The following TENM2 variants were observed in gnomAD, a reference collection of about 807,000 sequenced individuals.
The protein encoded by TENM2 is teneurin transmembrane protein 2.
In TENM2, 52 loss-of-function variants were observed where a neutral mutation model predicts 245.2. The observed-to-expected ratio is 0.21, with a 90% confidence interval of 0.17 to 0.27. The LOEUF is 0.27. TENM2 is among the 10% of genes least tolerant of loss of function. The pLI is 1.00. For synonymous variants in TENM2, 1,363 were observed against 1,438.9 expected (o/e 0.95, Z 1.19); for missense variants, 3,046 against 3,666.8 (o/e 0.83, Z 4.37).
At chr5:167,088,695 C>T in the TENM2 span, among the ~76,000 whole-genome samples, 2 of 151,948 alleles carry the variant, frequency 1.3e-5, no homozygotes, top group Non-Finnish European at 2.9e-5. Context: ...TTAATACTCA[C>T]AGAAAACTGA....
At chr5:167,490,023 A>G (rs1377252401) in intron 2 of TENM2, among the ~76,000 whole-genome samples, 2 of 152,204 alleles carry the variant, frequency 1.3e-5, no homozygotes, top group Non-Finnish European at 2.9e-5. Flanking sequence ...ATATTTGTAC[A>G]ACCTTCAGAT....
intron 2 of TENM2, among the ~76,000 whole-genome samples, chr5:167,710,020 C>T (rs1031853251): frequency 6.6e-6 from 1 of 152,044 alleles, no homozygotes; most frequent in Non-Finnish European, 1.5e-5. Context: ...ATAAATCAGG[C>T]ACCACCCCCA....
intron 2 of TENM2, among the ~76,000 whole-genome samples, chr5:167,694,050 A>G (rs1419296748): frequency 6.6e-6 from 1 of 152,358 alleles, no homozygotes; most frequent in Non-Finnish European, 1.5e-5. Flanking sequence ...GAAAGGCACC[A>G]GAAATCTCAA....
the TENM2 span, among the ~76,000 whole-genome samples, chr5:167,093,002 C>T: frequency 2.6e-5 from 4 of 152,128 alleles, no homozygotes; most frequent in Non-Finnish European, 5.9e-5. Flanking sequence ...ATGACTTTAT[C>T]GGGGTCTCCA....
intron 3 of TENM2, among the ~76,000 whole-genome samples, chr5:167,929,115 AAGAAAGAAAGAAAG>A (rs1778068379): frequency 2.1e-5 from 3 of 141,192 alleles, no homozygotes; most frequent in South Asian, 2.3e-4. Flanking sequence ...GAAAGAAAGA[AAGAAAGAAAGAAAG>A]AAAAGAAAGA....
At chr5:167,844,300 G>A (rs1769832694) in intron 2 of TENM2, among the ~76,000 whole-genome samples, 1 of 152,200 alleles carries the variant, frequency 6.6e-6, no homozygotes, top group Non-Finnish European at 1.5e-5. Flanking sequence ...GAGGCAAAAG[G>A]AAATGGAGAG....
intron 2 of TENM2, among the ~76,000 whole-genome samples, chr5:167,433,663 C>T (rs1325780775): frequency 1.3e-5 from 2 of 152,072 alleles, no homozygotes; most frequent in East Asian, 3.9e-4. Flanking sequence ...TGGTATCGTC[C>T]TATCAAGTAT....
chr5:168,119,529 G>C (rs984228), intron 10 of TENM2, among the ~76,000 whole-genome samples: 46,058 of 152,126 alleles, frequency 0.3, 7,431 homozygotes, highest in East Asian at 0.62. Flanking sequence ...TCTGTATTTG[G>C]CCTTGCAGAA....
intron 2 of TENM2, among the ~76,000 whole-genome samples, chr5:167,566,890 G>T (rs1337058201): frequency 1.3e-5 from 2 of 152,144 alleles, no homozygotes; most frequent in Admixed American, 6.5e-5. Flanking sequence ...CACTTAAGGG[G>T]TTGTTCCAAT....
At chr5:167,473,633 G>A (rs1024090530) in intron 2 of TENM2, among the ~76,000 whole-genome samples, 1 of 152,196 alleles carries the variant, frequency 6.6e-6, no homozygotes, top group Non-Finnish European at 1.5e-5. Flanking sequence ...GTGAGATTGA[G>A]CAGATCGTAG....
rs1221921588 is a variant in TENM2, at chr5:167,952,702, C to G, written c.827C>G (p.Thr276Ser). 2.5e-6 allele frequency: 4 copies of G among 1,611,408 alleles called. No homozygotes were observed. The Admixed American group carries it at 6.7e-5, about 27-fold the overall frequency. Residue 276 changes from threonine to serine, a missense_variant, in exon 4 of 29, where the codon ACC (threonine) becomes AGC (serine). Physicochemically the swap from Thr to Ser is moderately conservative, Grantham distance 58. Coordinates refer to ENST00000518659, the Ensembl canonical transcript of TENM2. ...AACTCCCTCAACAGGAACTCACTGA[C>G]CAATCGGCGGAGTCAGATCCACGCC...
chr5:167,984,211 C>T (rs1783059130), intron 4 of TENM2, among the ~76,000 whole-genome samples: 1 of 152,104 alleles, frequency 6.6e-6, no homozygotes, highest in Admixed American at 6.5e-5. Context: ...TAGGTACCAT[C>T]CTATTGGATT....
intron 10 of TENM2, among the ~76,000 whole-genome samples, chr5:168,120,910 A>T: frequency 6.6e-6 from 1 of 152,246 alleles, no homozygotes; most frequent in East Asian, 1.9e-4. Flanking sequence ...AATTTGCCCA[A>T]GAAAATGAAA....
chr5:167,175,604 A>G, the TENM2 span, among the ~76,000 whole-genome samples: 12 of 152,254 alleles, frequency 7.9e-5, no homozygotes, highest in Admixed American at 7.2e-4. Context: ...CTCTGCCATC[A>G]TTTTTATCAC....
At chr5:168,090,976 G>A (rs1792892298) in intron 8 of TENM2, among the ~76,000 whole-genome samples, 1 of 152,082 alleles carries the variant, frequency 6.6e-6, no homozygotes, top group African/African-American at 2.4e-5. Flanking sequence ...ATTCACCAAG[G>A]ATGAAATTGA....
At chr5:167,516,270 A>C (rs1436781878) in intron 2 of TENM2, among the ~76,000 whole-genome samples, 1 of 152,168 alleles carries the variant, frequency 6.6e-6, no homozygotes, top group Non-Finnish European at 1.5e-5. Context: ...ATTGCAGCAT[A>C]GATTTCATCA....
chr5:168,021,907 C>G (rs1366834220), intron 5 of TENM2, among the ~76,000 whole-genome samples: 2 of 152,098 alleles, frequency 1.3e-5, no homozygotes, highest in Non-Finnish European at 2.9e-5. Flanking sequence ...CTACCCCCTC[C>G]TAAGTGGTAA....
intron 5 of TENM2, among the ~76,000 whole-genome samples, chr5:168,011,325 C>T (rs1337281836): frequency 6.6e-6 from 1 of 152,186 alleles, no homozygotes; most frequent in Non-Finnish European, 1.5e-5. Flanking sequence ...GCCCTCACAT[C>T]AGCCCTGAGA....
chr5:168,150,320 G>A (rs1756529921), intron 12 of TENM2, among the ~76,000 whole-genome samples: 1 of 152,218 alleles, frequency 6.6e-6, no homozygotes, highest in South Asian at 2.1e-4. Context: ...TTTGATGTGG[G>A]ATTGGTATTT....
Sources: gnomAD v4.1 joint callset for allele counts (sites outside exome capture counted in the v4.1 genomes callset) on GRCh38, gnomAD v4.1.1 for gene constraint, MANE v1.5 for transcripts, NCBI Gene and HGNC (gene_info 2026-07-23, HGNC 2026-07-21) for gene names.